Variants in SAMD12 observed in about 807,000 individuals in gnomAD.
The protein encoded by SAMD12 is sterile alpha motif domain containing 12, also known as sterile alpha motif domain-containing protein 12.
Under a neutral mutation model 15.0 loss-of-function variants are expected in SAMD12, and 9 were observed. That is an observed-to-expected ratio of 0.60 (90% CI 0.36 to 1.05). The LOEUF (loss-of-function observed/expected upper bound fraction) is 1.05, where lower values mean the gene tolerates loss of function less well. Among genes scored for constraint, SAMD12 ranks in the 50% least tolerant of loss-of-function variants. The probability of loss-of-function intolerance (pLI) is 0.01; values close to 1 mark genes in which losing one functional copy is unlikely to be tolerated. For missense variants in SAMD12, 230 were observed against 234.2 expected, an observed-to-expected ratio of 0.98 and a Z score of 0.12; for synonymous variants, 86 against 90.1, an observed-to-expected ratio of 0.96 and a Z score of 0.25.
chr8:118,421,791 G>A (rs1310083540), intron 3 of SAMD12, among the ~76,000 whole-genome samples: 1 of 152,178 alleles, frequency 6.6e-6, no homozygotes, highest in Non-Finnish European at 1.5e-5. Context: ...TCTTGGCACT[G>A]AGCAAAGTTC....
intron 2 of SAMD12, among the ~76,000 whole-genome samples, chr8:118,489,768 T>C (rs1030624660): frequency 1.3e-5 from 2 of 152,234 alleles, no homozygotes; most frequent in Non-Finnish European, 2.9e-5. Context: ...GTTGTTATAA[T>C]GGCTTCTGTT....
the SAMD12 span, among the ~76,000 whole-genome samples, chr8:118,176,990 A>G: frequency 5.3e-5 from 8 of 152,338 alleles, no homozygotes; most frequent in African/African-American, 1.9e-4. Context: ...AGAAAAGACC[A>G]GAGTGTTGAG....
At chr8:118,508,038 T>C (rs965391572) in intron 2 of SAMD12, among the ~76,000 whole-genome samples, 3 of 133,388 alleles carry the variant, frequency 2.2e-5, no homozygotes, top group Non-Finnish European at 4.6e-5. Flanking sequence ...CTGTCAACCA[T>C]GCTGGGGTGC....
chr8:118,548,928 G>C (rs1488816140), intron 2 of SAMD12, among the ~76,000 whole-genome samples: 1 of 152,252 alleles, frequency 6.6e-6, no homozygotes, highest in Non-Finnish European at 1.5e-5. Context: ...CTGATTGCTA[G>C]CACAGCAGTC....
chr8:118,367,885 A>G (rs181647246), intron 4 of SAMD12, among the ~76,000 whole-genome samples: 1 of 152,330 alleles, frequency 6.6e-6, no homozygotes, highest in Admixed American at 6.5e-5. Context: ...TGTAACAGAC[A>G]AGAATCATGA....
rs1395762506 is a variant in SAMD12, at chr8:118,437,991, A to G, written c.322+1841T>C. 4.6e-5 allele frequency among the ~76,000 whole-genome samples: 7 copies of G among 152,338 alleles called. No individual in the cohort carries two copies. The South Asian group carries it at 1.4e-3, about 32-fold the overall frequency. ...CATTACTATCGCACAGGCATTAAAAAACATTAAGCAGCCATTATCTGATGA... is the reference window on the plus strand; with the variant it reads ...CATTACTATCGCACAGGCATTAAAAGACATTAAGCAGCCATTATCTGATGA... On this transcript the variant is annotated intron_variant, in intron 3 of 3. Coordinates refer to ENST00000314727, the MANE Select transcript of SAMD12 (RefSeq NM_207506.3).
chr8:118,574,687 C>G (rs1306836318), intron 2 of SAMD12, among the ~76,000 whole-genome samples: 1 of 152,196 alleles, frequency 6.6e-6, no homozygotes, highest in Non-Finnish European at 1.5e-5. Flanking sequence ...TGTCCAAGAA[C>G]TCAATATACA....
intron 2 of SAMD12, among the ~76,000 whole-genome samples, chr8:118,497,789 T>A (rs56899696): frequency 0.15 from 23,278 of 150,374 alleles, 2,576 homozygotes; most frequent in African/African-American, 0.3. Flanking sequence ...TTACTTTTTT[T>A]AAAAAAGATG....
chr8:118,187,856 G>A (rs769063688), downstream of SAMD12, among the ~76,000 whole-genome samples: 2 of 152,120 alleles, frequency 1.3e-5, no homozygotes, highest in Non-Finnish European at 2.9e-5. Context: ...GTAGGCAGAA[G>A]GAATATAAGC....
intron 4 of SAMD12, among the ~76,000 whole-genome samples, chr8:118,240,593 A>C (rs989400660): frequency 2.6e-5 from 4 of 152,140 alleles, no homozygotes; most frequent in African/African-American, 9.7e-5. Context: ...AGTAATTGAA[A>C]TGGTGCTTGT....
intron 2 of SAMD12, among the ~76,000 whole-genome samples, chr8:118,501,559 C>T (rs1824783122): frequency 1.3e-5 from 2 of 152,072 alleles, no homozygotes; most frequent in Admixed American, 6.5e-5. Flanking sequence ...GGACATCAGC[C>T]CTCTGAGTGG....
chr8:118,484,803 T>A (rs1185694956), intron 2 of SAMD12, among the ~76,000 whole-genome samples: 2 of 152,192 alleles, frequency 1.3e-5, no homozygotes, highest in African/African-American at 4.8e-5. Flanking sequence ...ACAGTCTGCC[T>A]TTGTCTCTAG....
the SAMD12 span, among the ~76,000 whole-genome samples, chr8:118,173,805 T>C: frequency 1.9e-4 from 29 of 151,938 alleles, no homozygotes; most frequent in African/African-American, 6.8e-4. Flanking sequence ...AATTTTTGTA[T>C]TTTTAGTAGA....
the SAMD12 span, among the ~76,000 whole-genome samples, chr8:118,151,838 A>AG: frequency 1.4e-5 from 1 of 73,648 alleles, no homozygotes; most frequent in African/African-American, 3.4e-5. Context: ...TCAAAAAAAA[A>AG]GAAAAAAAAA....
chr8:118,152,975 T>C, the SAMD12 span, among the ~76,000 whole-genome samples: 1 of 152,206 alleles, frequency 6.6e-6, no homozygotes, highest in African/African-American at 2.4e-5. Context: ...AATAGATCCA[T>C]TTAATTCATG....
Position 118,554,426 on chromosome 8 carries a change from C to T in SAMD12, c.192+26289G>A, listed in dbSNP as rs368195196. On this transcript the variant is annotated intron_variant, in intron 2 of 3. Transcript: ENST00000314727. ...GAAATCATCATTCTCAGTAAACTATCGCAAGAACAAAAAACCAAACACCGC... is the reference window on the plus strand; with the variant it reads ...GAAATCATCATTCTCAGTAAACTATTGCAAGAACAAAAAACCAAACACCGC... 2.6e-5 allele frequency among the ~76,000 whole-genome samples: 4 copies of T among 151,318 alleles called. No individual in the cohort carries two copies. The South Asian group carries it at 6.2e-4, about 24-fold the overall frequency.
At chr8:118,153,094 T>C in the SAMD12 span, among the ~76,000 whole-genome samples, 2 of 152,228 alleles carry the variant, frequency 1.3e-5, no homozygotes, top group African/African-American at 4.8e-5. Context: ...TATTTTTCAC[T>C]TGGTGTCTGT....
intron 3 of SAMD12, among the ~76,000 whole-genome samples, chr8:118,431,014 T>A (rs562675770): frequency 1.1e-4 from 16 of 152,326 alleles, no homozygotes; most frequent in Middle Eastern, 3.4e-3. Flanking sequence ...CCATTTCATT[T>A]TATCTTCTCA....
the SAMD12 span, among the ~76,000 whole-genome samples, chr8:118,157,612 T>C: frequency 6.6e-6 from 1 of 152,236 alleles, no homozygotes; most frequent in African/African-American, 2.4e-5. Flanking sequence ...TTGCTGGACG[T>C]ACTCTTTATC....
Sources: allele counts gnomAD v4.1 joint callset (sites outside exome capture counted in the v4.1 genomes callset), GRCh38; gene constraint gnomAD v4.1.1; transcripts MANE v1.5; gene names NCBI Gene and HGNC (gene_info 2026-07-23, HGNC 2026-07-21).